TOP6BL: variants seen among roughly 807,000 people sequenced by gnomAD.
The protein encoded by TOP6BL is type 2 DNA topoisomerase 6 subunit B-like.
At chr11:66,787,142 C>T in the TOP6BL span, among the ~76,000 whole-genome samples, 1 of 151,880 alleles carries the variant, frequency 6.6e-6, no homozygotes, top group African/African-American at 2.4e-5. Flanking sequence ...CCATGTTGAT[C>T]AGGCTGGTCT....
the TOP6BL span, among the ~76,000 whole-genome samples, chr11:66,772,028 T>C: frequency 6.6e-6 from 1 of 152,124 alleles, no homozygotes; most frequent in Non-Finnish European, 1.5e-5. Context: ...CCATTCTAGA[T>C]GCCATTAAGA....
the TOP6BL span, among the ~76,000 whole-genome samples, chr11:66,826,377 C>T: frequency 1.3e-5 from 2 of 152,172 alleles, no homozygotes; most frequent in African/African-American, 4.8e-5. Flanking sequence ...AACCATTCCT[C>T]TGTTAGACAT....
At chr11:66,785,259 A>G in the TOP6BL span, among the ~76,000 whole-genome samples, 1 of 152,086 alleles carries the variant, frequency 6.6e-6, no homozygotes, top group Non-Finnish European at 1.5e-5. Context: ...GTGCCGAGCC[A>G]GTTTCCAAGA....
chr11:66,755,341 G>C, the TOP6BL span, among the ~76,000 whole-genome samples: 9,468 of 152,066 alleles, frequency 0.062, 896 homozygotes, highest in African/African-American at 0.2. Flanking sequence ...GGCTGGTGTC[G>C]AACTCCTAAC....
the TOP6BL span, among the ~76,000 whole-genome samples, chr11:66,782,003 C>G: frequency 6.6e-6 from 1 of 152,114 alleles, no homozygotes; most frequent in East Asian, 1.9e-4. Flanking sequence ...GGCTATGCAC[C>G]TTGACCTTGT....
chr11:66,813,790 GTTGTTTGT>G, the TOP6BL span: 1 of 1,395,684 alleles, frequency 7.2e-7, no homozygotes, highest in Non-Finnish European at 1.0e-6. Flanking sequence ...CCAGGTCAGT[GTTGTTTGT>G]TTGTTATACA....
chr11:66,763,127 G>A, the TOP6BL span, among the ~76,000 whole-genome samples: 2 of 152,180 alleles, frequency 1.3e-5, no homozygotes, highest in African/African-American at 4.8e-5. Flanking sequence ...CCTGTGCCCA[G>A]GCATTTGAGG....
the TOP6BL span, among the ~76,000 whole-genome samples, chr11:66,764,311 C>T: frequency 1.3e-5 from 2 of 151,956 alleles, no homozygotes; most frequent in Non-Finnish European, 2.9e-5. Flanking sequence ...AGGGAAAGAT[C>T]ATTCCTAGTG....
the TOP6BL span, chr11:66,744,843 C>CGGG: frequency 3.0e-6 from 4 of 1,323,134 alleles, no homozygotes; most frequent in South Asian, 2.3e-5. Flanking sequence ...GCGGCGGCGG[C>CGGG]GGGCGGGTAC....
chr11:66,791,863 G>A, the TOP6BL span, among the ~76,000 whole-genome samples: 57 of 151,082 alleles, frequency 3.8e-4, no homozygotes, highest in Non-Finnish European at 7.4e-5. Flanking sequence ...TGTGGCCCAG[G>A]CTGGAGTGTA....
At chr11:66,842,733 CAG>C in the TOP6BL span, 3 of 1,060,098 alleles carry the variant, frequency 2.8e-6, no homozygotes, top group South Asian at 4.9e-5. Flanking sequence ...GACCTGCTGA[CAG>C]GGATGCGGTG....
At chr11:66,843,174 G>C in the TOP6BL span, 399,581 of 1,610,532 alleles carry the variant, frequency 0.25, 51,072 homozygotes, top group Middle Eastern at 0.28. Flanking sequence ...CGCAGGACGT[G>C]CTGTGGCTGC....
At chr11:66,799,442 A>G in the TOP6BL span, among the ~76,000 whole-genome samples, 2 of 151,472 alleles carry the variant, frequency 1.3e-5, no homozygotes, top group African/African-American at 4.9e-5. Flanking sequence ...CATGCCTGTA[A>G]TCCCAGCAGA....
chr11:66,828,975 G>GTT, the TOP6BL span, among the ~76,000 whole-genome samples: 45 of 120,410 alleles, frequency 3.7e-4, no homozygotes, highest in Non-Finnish European at 5.7e-4. Flanking sequence ...TGTGTTTTTT[G>GTT]TTTTTTTTTT....
the TOP6BL span, among the ~76,000 whole-genome samples, chr11:66,841,775 C>T: frequency 2.5e-4 from 38 of 152,160 alleles, no homozygotes; most frequent in Admixed American, 9.8e-4. Context: ...GCACTCCAGC[C>T]TAGGTGACAG....
At chr11:66,747,711 T>C in the TOP6BL span, among the ~76,000 whole-genome samples, 604 of 152,222 alleles carry the variant, frequency 4.0e-3, 5 homozygotes, top group African/African-American at 0.014. Flanking sequence ...CTCAATCTTA[T>C]GGGCTCAAGA....
chr11:66,754,632 AT>A, the TOP6BL span, among the ~76,000 whole-genome samples: 1 of 152,188 alleles, frequency 6.6e-6, no homozygotes, highest in African/African-American at 2.4e-5. Flanking sequence ...CAATATCAAT[AT>A]CTTTAGGTCT....
the TOP6BL span, among the ~76,000 whole-genome samples, chr11:66,789,222 T>C: frequency 1.3e-5 from 2 of 152,320 alleles, no homozygotes; most frequent in African/African-American, 4.8e-5. Flanking sequence ...AAATTAAAAG[T>C]GACTCCCAGT....
At chr11:66,803,490 G>A in the TOP6BL span, among the ~76,000 whole-genome samples, 17 of 152,218 alleles carry the variant, frequency 1.1e-4, no homozygotes, top group African/African-American at 3.6e-4. Context: ...GTGCAGTGGC[G>A]CAATATCAGC....
Sources: allele counts gnomAD v4.1 joint callset (sites outside exome capture counted in the v4.1 genomes callset), GRCh38; gene constraint gnomAD v4.1.1; transcripts MANE v1.5; gene names NCBI Gene and HGNC (gene_info 2026-07-23, HGNC 2026-07-21).